CDH18: variants seen among roughly 807,000 people sequenced by gnomAD.
CDH18 encodes the protein cadherin 18.
A neutral mutation model predicts 67.9 loss-of-function variants in CDH18; 31 were observed. The observed-to-expected ratio is 0.46, with a 90% CI of 0.34 to 0.62. The LOEUF (loss-of-function observed/expected upper bound fraction) is 0.62. CDH18 is among the 20% of genes least tolerant of loss of function. CDH18 has a pLI of 0.01. For synonymous variants in CDH18, 362 were observed against 347.2 expected (o/e 1.04, Z -0.48); for missense variants, 890 against 975.5 (o/e 0.91, Z 1.17).
chr5:20,283,951 G>A (rs1021234451), intron 1 of CDH18, among the ~76,000 whole-genome samples: 1 of 151,980 alleles, frequency 6.6e-6, no homozygotes, highest in African/African-American at 2.4e-5. Context: ...ACAATAGCAT[G>A]GATGGAACTA....
chr5:19,730,480 T>C (rs1018139165), intron 4 of CDH18, among the ~76,000 whole-genome samples: 3 of 152,204 alleles, frequency 2.0e-5, no homozygotes, highest in Non-Finnish European at 4.4e-5. Context: ...TTCTTTTCAG[T>C]TTCAAGAATT....
intron 2 of CDH18, among the ~76,000 whole-genome samples, chr5:20,201,708 T>G (rs1306689478): frequency 1.3e-5 from 2 of 152,162 alleles, no homozygotes; most frequent in Non-Finnish European, 2.9e-5. Context: ...TATAATCTGT[T>G]AAGCAAGTAA....
Position 20,127,741 on chromosome 5 carries a change from A to T in CDH18, c.-518+127703T>A, listed in dbSNP as rs113356900. 2.2e-3 allele frequency among the ~76,000 whole-genome samples: 341 copies of T among 152,264 alleles called. 1 individual carries two copies. The highest frequency in any genetic ancestry group is 7.7e-3 in the African/African-American group (319 of 41,534). On this transcript the variant is annotated intron_variant, in intron 2 of 14. Coordinates refer to the CDH18 transcript ENST00000507958. ...GAGTATAAAGTTTCAATCATGCAAG[A>T]TGCAGAAATTCACTTGATCTGTTGT...
chr5:20,122,549 G>C (rs888173087), intron 2 of CDH18, among the ~76,000 whole-genome samples: 2 of 151,898 alleles, frequency 1.3e-5, no homozygotes, highest in Non-Finnish European at 1.5e-5. Context: ...ATAGTATCTT[G>C]ACGTGACTGA....
chr5:20,334,447 T>C (rs76787852), intron 1 of CDH18, among the ~76,000 whole-genome samples: 1,757 of 152,122 alleles, frequency 0.012, 38 homozygotes, highest in African/African-American at 0.04. Flanking sequence ...TGACTTGAAT[T>C]CTTAATAGGC....
In CDH18 at chr5:19,588,212, T is replaced by C. The variant is rs1463449376; in HGVS notation, c.999+2845A>G. Among the ~76,000 whole-genome samples the C allele has an allele frequency of 2.0e-5, 3 of 152,126 alleles. 1 individual carries two copies. The highest frequency in any genetic ancestry group is 3.9e-4 in the East Asian group (2 of 5,184). On this transcript the variant is annotated intron_variant, in intron 7 of 12. Coordinates refer to ENST00000382275, the MANE Select transcript of CDH18 (RefSeq NM_004934.5). ...CTCAGATGAGGAAGTTTCCGAGATA[T>C]AGGGTTATGTCATCTGCAAAGAAAA...
chr5:20,065,794 C>T (rs917389855), intron 2 of CDH18, among the ~76,000 whole-genome samples: 1 of 151,932 alleles, frequency 6.6e-6, no homozygotes, highest in African/African-American at 2.4e-5. Context: ...CCCTTTTGCA[C>T]TGTCATAAAG....
At chr5:19,848,870 C>T (rs1210353881) in intron 2 of CDH18, among the ~76,000 whole-genome samples, 3 of 148,364 alleles carry the variant, frequency 2.0e-5, no homozygotes, top group South Asian at 2.1e-4. Flanking sequence ...TTTATATAGG[C>T]TATATTATAT....
chr5:19,708,788 G>C (rs534065028), intron 5 of CDH18, among the ~76,000 whole-genome samples: 1 of 152,244 alleles, frequency 6.6e-6, no homozygotes, highest in African/African-American at 2.4e-5. Context: ...CTGGCTTGCT[G>C]TCAGTAAATA....
intron 2 of CDH18, among the ~76,000 whole-genome samples, chr5:20,068,049 C>A (rs899763332): frequency 1.3e-5 from 2 of 151,866 alleles, no homozygotes; most frequent in African/African-American, 4.8e-5. Flanking sequence ...ATTTATAAAC[C>A]CCTGTCCCAA....
At chr5:20,322,466 G>C (rs565816951) in intron 1 of CDH18, among the ~76,000 whole-genome samples, 1 of 151,912 alleles carries the variant, frequency 6.6e-6, no homozygotes, top group South Asian at 2.1e-4. Context: ...CTGCATCTTA[G>C]TAACTCTATG....
intron 2 of CDH18, among the ~76,000 whole-genome samples, chr5:20,182,101 G>C (rs952053614): frequency 6.6e-6 from 1 of 152,042 alleles, no homozygotes; most frequent in Non-Finnish European, 1.5e-5. Flanking sequence ...AATTTGAACT[G>C]GCGAAAGTGG....
At chr5:20,039,122 G>A (rs1740170023) in intron 2 of CDH18, among the ~76,000 whole-genome samples, 1 of 151,986 alleles carries the variant, frequency 6.6e-6, no homozygotes, top group African/African-American at 2.4e-5. Context: ...AAATACCTAG[G>A]AATACAACTT....
intron 12 of CDH18, among the ~76,000 whole-genome samples, chr5:19,473,971 C>T (rs1298204396): frequency 6.6e-6 from 1 of 152,080 alleles, no homozygotes; most frequent in Non-Finnish European, 1.5e-5. Context: ...ACAATACTCT[C>T]AGTTTGCTAA....
intron 2 of CDH18, among the ~76,000 whole-genome samples, chr5:20,024,260 T>A (rs1738692212): frequency 6.6e-6 from 1 of 152,208 alleles, no homozygotes; most frequent in Non-Finnish European, 1.5e-5. Context: ...TCTTTAGAGT[T>A]CAATTTTGCT....
intron 1 of CDH18, among the ~76,000 whole-genome samples, chr5:20,371,191 G>A (rs891004516): frequency 6.6e-6 from 1 of 151,910 alleles, no homozygotes; most frequent in African/African-American, 2.4e-5. Flanking sequence ...GGAGGGGGAG[G>A]GTTGGTGAGG....
chr5:19,746,898 TC>T, intron 4 of CDH18, 43 bp downstream of exon 4: 1 of 1,535,358 alleles, frequency 6.5e-7, no homozygotes, highest in Non-Finnish European at 8.9e-7. Context: ...TTTTTGATTT[TC>T]TTAATATGTT....
At position 20,138,870 on chromosome 5, in the gene CDH18, G is replaced by A. The variant is rs1019180237; in HGVS notation, c.-518+116574C>T. ...CTCATGGACAGGAAGAATCAATATC[G>A]TGAAAATGGCCATACTGCCTAAGGT... On this transcript the variant is annotated intron_variant, in intron 2 of 14. Transcript: ENST00000507958. Among the ~76,000 whole-genome samples the A allele has an allele frequency of 2.0e-5, 3 of 152,040 alleles. No individual in the cohort carries two copies. The South Asian group carries it at 6.2e-4, about 32-fold the overall frequency.
At chr5:19,878,568 A>T (rs1787292889) in intron 2 of CDH18, among the ~76,000 whole-genome samples, 1 of 152,106 alleles carries the variant, frequency 6.6e-6, no homozygotes, top group Admixed American at 6.6e-5. Context: ...AAGTTCCTAC[A>T]GTGTGGCAGG....
Sources: allele counts gnomAD v4.1 joint callset (sites outside exome capture counted in the v4.1 genomes callset), GRCh38; gene constraint gnomAD v4.1.1; transcripts MANE v1.5; gene names NCBI Gene and HGNC (gene_info 2026-07-23, HGNC 2026-07-21).